Variants in ADAMTS2 observed in about 807,000 individuals in gnomAD.
ADAMTS2 encodes the protein ADAM metallopeptidase with thrombospondin type 1 motif 2, also known as A disintegrin and metalloproteinase with thrombospondin motifs 2.
ADAMTS2 carries 50 observed loss-of-function variants against 123.0 expected under a neutral mutation model. That is an observed-to-expected ratio of 0.41 (90% CI 0.32 to 0.51). The LOEUF is 0.51. Ranked by LOEUF, ADAMTS2 falls within the 20% of genes least tolerant of loss-of-function variation. ADAMTS2 has a pLI of 0.35. For missense variants in ADAMTS2, 1,494 were observed against 1,705.2 expected (o/e 0.88, Z 2.18); for synonymous variants, 678 against 695.4 (o/e 0.98, Z 0.39).
Position 179,267,924 on chromosome 5 carries a change from C to G in ADAMTS2, c.688+4987G>C. 1.3e-5 allele frequency among the ~76,000 whole-genome samples: 2 copies of G among 152,308 alleles called. 1 individual carries two copies. Among genetic ancestry groups the G allele is most frequent in the Middle Eastern group, 6.8e-3 (2 of 294 alleles). On this transcript the variant is annotated intron_variant, in intron 3 of 21. Coordinates refer to ENST00000251582, the MANE Select transcript of ADAMTS2 (RefSeq NM_014244.5). ...CCAGACCCCTGAGGCCTGGTCCTTT[C>G]GCATGGTGATAGGGGCTGTCTCTCG...
intron 19 of ADAMTS2, 58 bp downstream of exon 19, chr5:179,124,915 G>T: frequency 7.5e-6 from 12 of 1,592,776 alleles, no homozygotes; most frequent in Non-Finnish European, 9.4e-6. Flanking sequence ...GAGCGCACCT[G>T]CATGCCTGTC....
chr5:179,129,603 G>T lies in ADAMTS2; in HGVS notation c.2457+329C>A, dbSNP rs1376400998. ...CCCAGACCCTGAGCGTCACCTCCCA[G>T]AGTGTCACCGATTCCAATGTAACAG... On this transcript the variant is annotated intron_variant, in intron 16 of 21. Coordinates refer to ENST00000251582, the MANE Select transcript of ADAMTS2 (RefSeq NM_014244.5). The surrounding 1 kb of genome is among the most constrained non-coding windows in gnomAD (Gnocchi z 4.1). Among the ~76,000 whole-genome samples the T allele has an allele frequency of 6.6e-6, 1 of 152,172 alleles. No individual in the cohort carries two copies. The highest frequency in any genetic ancestry group is 1.5e-5 in the Non-Finnish European group (1 of 68,044).
intron 3 of ADAMTS2, among the ~76,000 whole-genome samples, chr5:179,261,402 G>C (rs1347061401): frequency 6.6e-6 from 1 of 152,216 alleles, no homozygotes; most frequent in African/African-American, 2.4e-5. Flanking sequence ...TCTGCCCCGA[G>C]TGGTGAGTCT....
chr5:179,243,789 ATG>A (rs1765720329), intron 3 of ADAMTS2, among the ~76,000 whole-genome samples: 1 of 152,238 alleles, frequency 6.6e-6, no homozygotes, highest in Admixed American at 6.5e-5. Flanking sequence ...AACCATGCTT[ATG>A]TAAAGGAGTG....
chr5:179,167,989 C>A (rs773622249), intron 5 of ADAMTS2, among the ~76,000 whole-genome samples: 6 of 152,224 alleles, frequency 3.9e-5, no homozygotes, highest in Non-Finnish European at 8.8e-5. Flanking sequence ...GCTTCTCAAC[C>A]GTCCCCATCC....
rs1201240948 is a variant in ADAMTS2, at chr5:179,345,252, G to GGCAGGA, written c.76_77insTCCTGC (p.Pro25_Pro26insLeuLeu). The GGCAGGA allele has an allele frequency of 1.1e-5, 13 of 1,143,580 alleles. No individual in the cohort carries two copies. The African/African-American group carries it at 1.7e-4, about 15-fold the overall frequency. The allele number at this position is 1,143,580 out of a possible 1,614,324, so 70.8% of individuals were successfully genotyped here. A position where few individuals can be genotyped will look rare whatever the true frequency, so the allele number is the denominator to read the frequency against. On this transcript the variant is annotated inframe_insertion, in exon 1 of 22. Transcript: ENST00000251582. This position sits in a 1 kb window ranked among gnomAD's most constrained non-coding sequence, Gnocchi z 7.5. ...GGGCGGCGGCGGCGGCGGCAGGAGC[G>GGCAGGA]GCGGCGGCAGCAGCAGCAGCAGCAG...
At position 179,239,593 on chromosome 5, in the gene ADAMTS2, G is replaced by A. The variant is rs117472382; in HGVS notation, c.689-31878C>T. ...GGCAATACAGAGAGCATGGAAGGTG[G>A]AGGGGCAGTTGGAATATGAGTCTTG... is the stretch of plus-strand genomic sequence containing the variant. On this transcript the variant is annotated intron_variant, in intron 3 of 21. Coordinates refer to ENST00000251582, the MANE Select transcript of ADAMTS2 (RefSeq NM_014244.5). 7.9e-5 allele frequency among the ~76,000 whole-genome samples: 12 copies of A among 152,272 alleles called. No individual in the cohort carries two copies. In the East Asian group the frequency reaches 2.3e-3, roughly 29 times the overall value.
At chr5:179,306,529 C>G (rs1756677696) in intron 2 of ADAMTS2, among the ~76,000 whole-genome samples, 1 of 152,100 alleles carries the variant, frequency 6.6e-6, no homozygotes, top group Non-Finnish European at 1.5e-5. Flanking sequence ...ACTGTTTTCC[C>G]CTAAAATAAG....
rs1756737298 is a variant in ADAMTS2 at position 179,308,510 on chromosome 5, G to C, written c.534+35257C>G. Among the ~76,000 whole-genome samples, 1 of 152,208 alleles carries C rather than the reference G, an allele frequency of 6.6e-6. No individual in the cohort carries two copies. Among genetic ancestry groups the C allele is most frequent in the Admixed American group, 6.5e-5 (1 of 15,284 alleles). ...GGCACCAGAGCCCACAGGAGCTCCTGCAATGCGATGACCATGCCTGCAGGC... is the reference window on the plus strand; with the variant it reads ...GGCACCAGAGCCCACAGGAGCTCCTCCAATGCGATGACCATGCCTGCAGGC... On this transcript the variant is annotated intron_variant, in intron 2 of 21. Transcript: ENST00000251582. The surrounding 1 kb of genome is among the most constrained non-coding windows in gnomAD (Gnocchi z 6.6).
In ADAMTS2 at chr5:179,242,501, T is replaced by C. The variant is rs1460690527; in HGVS notation, c.688+30410A>G. ...CAGAACAACCATAACTGGTGAAAAG[T>C]ATTGAAAAGTCACCATCAACAACAA... is the stretch of plus-strand genomic sequence containing the variant. On this transcript the variant is annotated intron_variant, in intron 3 of 21. Transcript: ENST00000251582. The surrounding 1 kb of genome is among the most constrained non-coding windows in gnomAD (Gnocchi z 4.2). Among the ~76,000 whole-genome samples, 1 of 152,182 alleles carries C rather than the reference T, an allele frequency of 6.6e-6. No individual in the cohort carries two copies. Among genetic ancestry groups the C allele is most frequent in the African/African-American group, 2.4e-5 (1 of 41,440 alleles).
intron 10 of ADAMTS2, among the ~76,000 whole-genome samples, chr5:179,151,559 G>A (rs558025522): frequency 1.3e-5 from 2 of 152,274 alleles, no homozygotes; most frequent in South Asian, 4.1e-4. Flanking sequence ...GCATATGCCA[G>A]CCCCCTAGCA....
chr5:179,206,442 G>A (rs1013565830), intron 4 of ADAMTS2, among the ~76,000 whole-genome samples: 4 of 152,300 alleles, frequency 2.6e-5, no homozygotes, highest in Non-Finnish European at 5.9e-5. Context: ...CCCGGCCCCA[G>A]AGGACCTCAT....
At chr5:179,320,698 G>A (rs1757144496) in intron 2 of ADAMTS2, among the ~76,000 whole-genome samples, 1 of 152,146 alleles carries the variant, frequency 6.6e-6, no homozygotes, top group East Asian at 1.9e-4. Context: ...GGGCAAGGAG[G>A]GCACATGACC....
rs1181544431 is a variant in ADAMTS2 at position 179,314,457 on chromosome 5, C to T, written c.534+29310G>A. Among the ~76,000 whole-genome samples the T allele has an allele frequency of 2.6e-5, 4 of 151,680 alleles. No individual in the cohort carries two copies. In the East Asian group the frequency reaches 5.9e-4, roughly 22 times the overall value. On this transcript the variant is annotated intron_variant, in intron 2 of 21. Transcript: ENST00000251582. This position sits in a 1 kb window ranked among gnomAD's most constrained non-coding sequence, Gnocchi z 4.5. ...TGGCGTGGCCGGAATACTCAGTTTT[C>T]CCTGCTTTTTGAGACAAGAGTAGTA...
chr5:179,164,038 G>A lies in ADAMTS2; in HGVS notation c.976-5159C>T, dbSNP rs150682626. On this transcript the variant is annotated intron_variant, in intron 5 of 21. Coordinates refer to ENST00000251582, the MANE Select transcript of ADAMTS2 (RefSeq NM_014244.5). ...CTAGACCCTGGGAGCCTGGGTCCCAGCAGGGGGTACCCCAAGAAGTAGAGG... is the reference window on the plus strand; with the variant it reads ...CTAGACCCTGGGAGCCTGGGTCCCAACAGGGGGTACCCCAAGAAGTAGAGG... Among the ~76,000 whole-genome samples the A allele has an allele frequency of 5.7e-3, 863 of 152,290 alleles. 10 individuals carry two copies. Among genetic ancestry groups the A allele is most frequent in the African/African-American group, 0.02 (824 of 41,570 alleles).
Position 179,132,721 on chromosome 5 carries a change from G to C in ADAMTS2, c.2209+56C>G. 1 of 1,612,468 alleles carries C rather than the reference G, an allele frequency of 6.2e-7. No homozygotes were observed. The highest frequency in any genetic ancestry group is 8.5e-7 in the Non-Finnish European group (1 of 1,178,936). ...ATGAGTCAGGCCCTCAGCTGTCCGGGCATGAGCCTGCTGCAGGCATCCAGG... is the reference window on the plus strand; with the variant it reads ...ATGAGTCAGGCCCTCAGCTGTCCGGCCATGAGCCTGCTGCAGGCATCCAGG... On this transcript the variant is annotated intron_variant, in intron 14 of 21. Transcript: ENST00000251582. The surrounding 1 kb of genome is among the most constrained non-coding windows in gnomAD (Gnocchi z 6.1).
intron 3 of ADAMTS2, among the ~76,000 whole-genome samples, chr5:179,224,231 A>G (rs1765218388): frequency 6.6e-6 from 1 of 152,046 alleles, no homozygotes; most frequent in Non-Finnish European, 1.5e-5. Context: ...GGTGCACGCT[A>G]CCACCGTCTT....
intron 2 of ADAMTS2, among the ~76,000 whole-genome samples, chr5:179,299,722 C>T (rs1468882860): frequency 6.6e-6 from 1 of 151,890 alleles, no homozygotes; most frequent in Non-Finnish European, 1.5e-5. Flanking sequence ...TGGCTTGTGG[C>T]CCCCTCCTCC....
At chr5:179,336,055 G>A (rs1156612467) in intron 2 of ADAMTS2, among the ~76,000 whole-genome samples, 1 of 152,222 alleles carries the variant, frequency 6.6e-6, no homozygotes, top group Non-Finnish European at 1.5e-5. Context: ...AAATACCCAG[G>A]TTTAAAGATG....
Sources: gnomAD v4.1 joint callset for allele counts (sites outside exome capture counted in the v4.1 genomes callset) on GRCh38, gnomAD v4.1.1 for gene constraint, Gnocchi (gnomAD v3.1) non-coding constraint, MANE v1.5 for transcripts, NCBI Gene and HGNC (gene_info 2026-07-23, HGNC 2026-07-21) for gene names.